The following ITM2A variants were observed in gnomAD, a reference collection of about 807,000 sequenced individuals.
ITM2A encodes BRICHOS domain containing 2A.
Under a neutral mutation model 16.6 loss-of-function variants are expected in ITM2A, and 11 were observed. The observed-to-expected ratio is 0.66, with a 90% CI of 0.42 to 1.10. ITM2A has a LOEUF of 1.10. Ranked by LOEUF, ITM2A falls within the 50% of genes least tolerant of loss-of-function variation. The pLI, the probability that ITM2A is intolerant of heterozygous loss-of-function variation, is 0.00. For missense variants in ITM2A, 243 were observed against 206.8 expected (o/e 1.17, Z -1.07); for synonymous variants, 102 against 71.2 (o/e 1.43, Z -2.18).
rs1487235525 is a variant in ITM2A at position 79,360,947 on chromosome X, T to G, written c.*142A>C. 5.1e-6 allele frequency: 1 copy of G among 195,655 alleles called. No individual in the cohort carries two copies. The highest frequency in any genetic ancestry group is 8.1e-6 in the Non-Finnish European group (1 of 123,625). 16.1% of individuals were successfully genotyped at this position (195,655 alleles called of 1,213,427 possible). The stretch of plus-strand genomic sequence containing the variant: ...GACAAGAGCTTGCAGTGGTTAGTAG[T>G]TTTTTTTTTTCCTTTTTTTAAAGCA... On this transcript the variant is annotated 3_prime_UTR_variant, in exon 6 of 6. Transcript: ENST00000373298.
At chrX:79,362,183 C>T (rs771378795) in intron 4 of ITM2A, among the ~76,000 whole-genome samples, 2 of 111,363 alleles carry the variant, frequency 1.8e-5, no homozygotes, top group South Asian at 3.8e-4. Flanking sequence ...CACAACCTCA[C>T]CAGCATCTGT....
At chrX:79,364,486 C>T (rs1260898346) in intron 1 of ITM2A, among the ~76,000 whole-genome samples, 1 of 112,027 alleles carries the variant, frequency 8.9e-6, no homozygotes, top group Non-Finnish European at 1.9e-5. Context: ...CTGATTGTGC[C>T]CTTCCCAGGG....
At chrX:79,365,705 A>G (rs911471195) in intron 1 of ITM2A, among the ~76,000 whole-genome samples, 2 of 110,223 alleles carry the variant, frequency 1.8e-5, no homozygotes, top group African/African-American at 6.6e-5. Flanking sequence ...ATATTTAACT[A>G]CTGGCCTCTA....
At position 79,363,119 on chromosome X, in the gene ITM2A, C is replaced by T. The variant is rs965559555; in HGVS notation, c.264G>A (p.Glu88=). 1.7e-6 allele frequency: 2 copies of T among 1,204,571 alleles called. No individual in the cohort carries two copies. The highest frequency in any genetic ancestry group is 3.5e-5 in the African/African-American group (2 of 56,931). The change falls in exon 3 of 6, where the codon GAG becomes GAA. Residue 88 remains glutamate, a synonymous_variant. Transcript: ENST00000373298. The stretch of plus-strand genomic sequence containing the variant: ...GATCCTCAGAATCAAAAAAGCACAT[C>T]TCTCCACGGTAAATGGTGCTCTAAA... ...FMPKSTIYRG[E]MCFFDSEDPA...
rs776739764 is a variant in ITM2A, at chrX:79,363,070, C to A, written c.313G>T (p.Glu105Ter). The change falls in exon 3 of 6, where the codon GAG becomes TAG. Residue 105 changes from glutamate to a stop codon, truncating the protein, a stop_gained. Transcript: ENST00000373298. LOFTEE classifies it high-confidence loss of function. ...TCAGTCACAGGCAGGAAGTTAGGCT[C>A]TCCTCCACGAAGGGAATTTGCAGGA... ...EDPANSLRGG[E>*]PNFLPVTEEA... 8.3e-7 allele frequency: 1 copy of A among 1,206,613 alleles called. No individual in the cohort carries two copies. The highest frequency in any genetic ancestry group is 2.2e-5 in the Admixed American group (1 of 45,542).
chrX:79,363,956 G>A (rs780372464), intron 1 of ITM2A, among the ~76,000 whole-genome samples: 4 of 111,757 alleles, frequency 3.6e-5, no homozygotes, highest in East Asian at 2.8e-4. Context: ...CAGTAGAGCC[G>A]ATCTCTAGAA....
chrX:79,362,894 A>C (rs768636159), intron 3 of ITM2A, 48 bp downstream of exon 3: 4 of 993,278 alleles, frequency 4.0e-6, no homozygotes, highest in South Asian at 2.0e-5. Flanking sequence ...AAAAAGAGAG[A>C]GAGAGAGAAA....
Position 79,367,182 on chromosome X carries a change from C to T in ITM2A, c.34G>A (p.Val12Met), listed in dbSNP as rs769544669. 5 of 1,206,748 alleles carry T rather than the reference C, an allele frequency of 4.1e-6. No homozygotes were observed. Among genetic ancestry groups the T allele is most frequent in the Non-Finnish European group, 5.6e-6 (5 of 893,495 alleles). Residue 12 changes from valine to methionine, a missense_variant, in exon 1 of 6, where the codon GTG (valine) becomes ATG (methionine). Transcript: ENST00000373298. ...VKIAFNTPTAVQKEEARQDVE... is the reference protein window; with the variant it reads ...VKIAFNTPTAMQKEEARQDVE... ...TCTTGCCGCGCCTCCTCCTTTTGCA[C>T]GGCGGTAGGGGTATTGAAGGCGATT...
intron 1 of ITM2A, chrX:79,366,850 C>A: frequency 3.0e-6 from 1 of 338,013 alleles, no homozygotes; most frequent in Non-Finnish European, 5.1e-6. Context: ...CTCAAACTCT[C>A]TCTGACCTCC....
rs1440335382 is a variant in ITM2A at position 79,367,150 on chromosome X, C to G, written c.66G>C (p.Glu22Asp). The change falls in exon 1 of 6, where the codon GAG becomes GAC. Residue 22 changes from glutamate (E) to aspartate (D), a missense_variant. Coordinates refer to ENST00000373298, the MANE Select transcript of ITM2A (RefSeq NM_004867.5). Reference sequence around the variant, plus strand: ...TTCTGACCGTGCGGCTCAGGAGGGCCTCCACGTCTTGCCGCGCCTCCTCCT... The same window carrying G: ...TTCTGACCGTGCGGCTCAGGAGGGCGTCCACGTCTTGCCGCGCCTCCTCCT... ...VQKEEARQDV[E>D]ALLSRTVRTQ... 1 of 1,209,661 alleles carries G rather than the reference C, an allele frequency of 8.3e-7. No individual in the cohort carries two copies. Among genetic ancestry groups the G allele is most frequent in the Admixed American group, 2.2e-5 (1 of 45,922 alleles).
Position 79,360,985 on chromosome X carries a change from T to G in ITM2A, c.*104A>C. 2.5e-6 allele frequency: 1 copy of G among 394,035 alleles called. No homozygotes were observed. Among genetic ancestry groups the G allele is most frequent in the South Asian group, 7.8e-5 (1 of 12,888 alleles). The allele number at this position is 394,035 out of a possible 1,213,427, so 32.5% of individuals were successfully genotyped here. On this transcript the variant is annotated 3_prime_UTR_variant, in exon 6 of 6. Coordinates refer to ENST00000373298, the MANE Select transcript of ITM2A (RefSeq NM_004867.5). The stretch of plus-strand genomic sequence containing the variant: ...TTTTTTTAAAGCATAAGCAATAGAG[T>G]AAATGCATGAGTAAATATCTTGAGT...
chrX:79,361,501 T>C, intron 4 of ITM2A, 22 bp from the exon 5 acceptor site: 2 of 1,177,317 alleles, frequency 1.7e-6, no homozygotes, highest in Non-Finnish European at 2.3e-6. Flanking sequence ...AAGCAAAGAT[T>C]GAAATGAGAA....
chrX:79,362,594 A>C lies in ITM2A; in HGVS notation c.539T>G (p.Phe180Cys). ...CAAAATACATACCGCCAGTTTGCCA[A>C]AGAGCTCTACCAGATTTTTTGGAGG... ...VMPPKNLVEL[F>C]GKLASGRYLP... Residue 180 changes from phenylalanine (F) to cysteine (C), a missense_variant, in exon 4 of 6, where the codon TTT becomes TGT. Transcript: ENST00000373298. 4 of 1,180,044 alleles carry C rather than the reference A, an allele frequency of 3.4e-6. No homozygotes were observed. Among genetic ancestry groups the C allele is most frequent in the Non-Finnish European group, 4.6e-6 (4 of 874,399 alleles).
chrX:79,362,179 C>T (rs1319620026), intron 4 of ITM2A, among the ~76,000 whole-genome samples: 1 of 111,312 alleles, frequency 9.0e-6, no homozygotes, highest in Non-Finnish European at 1.9e-5. Flanking sequence ...TCTCCACAAC[C>T]TCACCAGCAT....
chrX:79,362,891 G>T lies in ITM2A; in HGVS notation c.441+51C>A, dbSNP rs779433169. The T allele has an allele frequency of 4.1e-6, 4 of 968,847 alleles. No individual in the cohort carries two copies. The South Asian group carries it at 6.1e-5, about 15-fold the overall frequency. The allele number at this position is 968,847 out of a possible 1,213,427, so 79.8% of individuals were successfully genotyped here. ...ATACCTGCCAATGAAGTAAAAAAGA[G>T]AGAGAGAGAGAAAAAAAATCCTGGA... On this transcript the variant is annotated intron_variant, in intron 3 of 5. Transcript: ENST00000373298.
chrX:79,363,090 G>A lies in ITM2A; in HGVS notation c.293C>T (p.Ala98Val). 8 of 1,209,830 alleles carry A rather than the reference G, an allele frequency of 6.6e-6. No homozygotes were observed. The highest frequency in any genetic ancestry group is 6.7e-6 in the Non-Finnish European group (6 of 894,364). The change falls in exon 3 of 6, where the codon GCA (alanine) becomes GTA (valine). Residue 98 changes from alanine (A) to valine (V), a missense_variant. By Grantham distance (64) the Ala-to-Val change is moderately conservative. Coordinates refer to ENST00000373298, the MANE Select transcript of ITM2A (RefSeq NM_004867.5). Reference sequence around the variant, plus strand: ...AGGCTCTCCTCCACGAAGGGAATTTGCAGGATCCTCAGAATCAAAAAAGCA... The same window carrying A: ...AGGCTCTCCTCCACGAAGGGAATTTACAGGATCCTCAGAATCAAAAAAGCA... ...EMCFFDSEDP[A>V]NSLRGGEPNF...
chrX:79,366,324 T>A (rs973215276), intron 1 of ITM2A, among the ~76,000 whole-genome samples: 22 of 111,534 alleles, frequency 2.0e-4, no homozygotes, highest in African/African-American at 4.9e-4. Flanking sequence ...AAGAAAAAAA[T>A]TTAAAAATAA....
Position 79,363,070 on chromosome X carries a change from C to G in ITM2A, c.313G>C (p.Glu105Gln), listed in dbSNP as rs776739764. The G allele has an allele frequency of 2.7e-5, 33 of 1,206,613 alleles. No individual in the cohort carries two copies. The highest frequency in any genetic ancestry group is 3.2e-5 in the Non-Finnish European group (29 of 892,878). The change falls in exon 3 of 6, where the codon GAG becomes CAG. Residue 105 changes from glutamate to glutamine, a missense_variant. Coordinates refer to ENST00000373298, the MANE Select transcript of ITM2A (RefSeq NM_004867.5). ...TCAGTCACAGGCAGGAAGTTAGGCTCTCCTCCACGAAGGGAATTTGCAGGA... is the reference window on the plus strand; with the variant it reads ...TCAGTCACAGGCAGGAAGTTAGGCTGTCCTCCACGAAGGGAATTTGCAGGA... ...EDPANSLRGG[E>Q]PNFLPVTEEA...
intron 2 of ITM2A, 105 bp downstream of exon 2, chrX:79,363,318 C>A (rs1366027858): frequency 1.7e-5 from 14 of 812,990 alleles, no homozygotes; most frequent in Middle Eastern, 4.5e-4. Flanking sequence ...AAAACTTTCC[C>A]TAAATCTTCT....
Sources: gnomAD v4.1 joint callset for allele counts (sites outside exome capture counted in the v4.1 genomes callset) on GRCh38, gnomAD v4.1.1 for gene constraint, MANE v1.5 for transcripts, NCBI Gene and HGNC (gene_info 2026-07-23, HGNC 2026-07-21) for gene names.